DPY19L1: variants seen among roughly 807,000 people sequenced by gnomAD.
The protein encoded by DPY19L1 is protein C-mannosyl-transferase DPY19L1.
A neutral mutation model predicts 96.9 loss-of-function variants in DPY19L1; 35 were observed. That is an observed-to-expected ratio of 0.36 (90% CI 0.28 to 0.48). The LOEUF (loss-of-function observed/expected upper bound fraction) is 0.48. Among genes scored for constraint, DPY19L1 ranks in the 20% least tolerant of loss-of-function variants. The pLI, the probability that DPY19L1 is intolerant of heterozygous loss-of-function variation, is 0.99. For missense variants in DPY19L1, 521 were observed against 777.9 expected (o/e 0.67, Z 3.93); for synonymous variants, 205 against 252.6 (o/e 0.81, Z 1.79).
intron 20 of DPY19L1, 176 bp downstream of exon 20, chr7:34,939,100 C>A: frequency 1.1e-5 from 6 of 521,834 alleles, no homozygotes; most frequent in Non-Finnish European, 1.9e-5. Context: ...CCCTGTGAAG[C>A]TTTAACGGAT....
chr7:35,006,329 G>C (rs1785555644), intron 6 of DPY19L1, among the ~76,000 whole-genome samples: 1 of 152,160 alleles, frequency 6.6e-6, no homozygotes, highest in African/African-American at 2.4e-5. Flanking sequence ...AAAGTGCAAA[G>C]AATAAAAGTT....
At chr7:34,959,916 TATATATATTTATATATA>T (rs1784461637) in intron 10 of DPY19L1, among the ~76,000 whole-genome samples, 8 of 23,048 alleles carry the variant, frequency 3.5e-4, no homozygotes, top group African/African-American at 1.5e-3. Flanking sequence ...TATATATATA[TATATATATTTATATATA>T]TATATATATA....
intron 1 of DPY19L1, among the ~76,000 whole-genome samples, chr7:35,026,975 T>C (rs1002744406): frequency 1.3e-5 from 2 of 151,866 alleles, no homozygotes; most frequent in African/African-American, 2.4e-5. Flanking sequence ...GGCAGGTGGA[T>C]ACCTGAGGTC....
intron 17 of DPY19L1, 41 bp downstream of exon 17, chr7:34,942,574 A>G: frequency 6.6e-7 from 1 of 1,513,978 alleles, no homozygotes; most frequent in Non-Finnish European, 9.0e-7. Flanking sequence ...AATGCATGCA[A>G]CTTTAAGATA....
chr7:35,034,599 C>G (rs1439505085), intron 1 of DPY19L1, among the ~76,000 whole-genome samples: 1 of 152,178 alleles, frequency 6.6e-6, no homozygotes, highest in Non-Finnish European at 1.5e-5. Context: ...ATGCTTAACC[C>G]TGCCCAACAG....
rs551827653 is a variant in DPY19L1 at position 34,969,499 on chromosome 7, T to G, written c.948A>C (p.Ala316=). The G allele has an allele frequency of 5.7e-6, 9 of 1,572,794 alleles. No homozygotes were observed. Among genetic ancestry groups the G allele is most frequent in the Non-Finnish European group, 4.3e-6 (5 of 1,161,714 alleles). ...TGAAAAATACATTGGAAATGCAGAG[T>G]GCAATCAAGCTTCCTCTATAAAGTT... is the stretch of plus-strand genomic sequence containing the variant. ...ATKLYRGSLI[A]LCISNVFFML... Residue 316 remains alanine, a synonymous_variant, in exon 9 of 22, where the codon GCA becomes GCC. Coordinates refer to ENST00000638088, the MANE Select transcript of DPY19L1 (RefSeq NM_001366673.1).
chr7:35,034,970 A>G (rs1180027879), intron 1 of DPY19L1, among the ~76,000 whole-genome samples: 1 of 152,210 alleles, frequency 6.6e-6, no homozygotes, highest in Admixed American at 6.5e-5. Context: ...GCTTTCAAAA[A>G]TGTCTAAACT....
intron 1 of DPY19L1, among the ~76,000 whole-genome samples, chr7:35,029,749 G>A (rs1467180741): frequency 6.6e-6 from 1 of 152,164 alleles, no homozygotes; most frequent in Non-Finnish European, 1.5e-5. Context: ...TCCCCCAAAT[G>A]ACCAGAAGCC....
chr7:35,020,508 C>T (rs188369735), intron 1 of DPY19L1, among the ~76,000 whole-genome samples: 1 of 152,144 alleles, frequency 6.6e-6, no homozygotes, highest in African/African-American at 2.4e-5. Context: ...TTAACATATG[C>T]ATTTCTTATG....
At chr7:34,948,784 A>G (rs2128783995) in intron 14 of DPY19L1, among the ~76,000 whole-genome samples, 1 of 152,376 alleles carries the variant, frequency 6.6e-6, no homozygotes, top group South Asian at 2.1e-4. Context: ...GTTTAACACT[A>G]AAACTCATAT....
At chr7:35,037,973 T>C, upstream of DPY19L1, 1 of 1,149,280 alleles carries the variant, frequency 8.7e-7, no homozygotes, top group Non-Finnish European at 1.1e-6. Flanking sequence ...CTGTTAAGGC[T>C]GCGCTTGGAG....
chr7:35,028,511 G>A (rs1786182064), intron 1 of DPY19L1, among the ~76,000 whole-genome samples: 1 of 152,104 alleles, frequency 6.6e-6, no homozygotes, highest in Non-Finnish European at 1.5e-5. Flanking sequence ...GTGTTTTGAA[G>A]ACAATAAATT....
intron 7 of DPY19L1, among the ~76,000 whole-genome samples, chr7:34,983,919 T>C (rs775246737): frequency 3.0e-4 from 46 of 151,894 alleles, no homozygotes; most frequent in Non-Finnish European, 1.6e-4. Flanking sequence ...ATCAAACCAA[T>C]AAAAACCAAA....
chr7:34,968,747 C>T (rs1245147735), intron 9 of DPY19L1, among the ~76,000 whole-genome samples: 11 of 105,006 alleles, frequency 1.0e-4, no homozygotes, highest in South Asian at 6.8e-4. Flanking sequence ...CTAGCCTGGG[C>T]GACAGAGAAA....
intron 9 of DPY19L1, among the ~76,000 whole-genome samples, chr7:34,967,630 A>G (rs1784638888): frequency 6.6e-6 from 1 of 152,218 alleles, no homozygotes; most frequent in Admixed American, 6.5e-5. Context: ...ATGGTATAGT[A>G]TCTATTACAT....
At chr7:35,021,101 A>G (rs1430464381) in intron 1 of DPY19L1, among the ~76,000 whole-genome samples, 11 of 152,234 alleles carry the variant, frequency 7.2e-5, no homozygotes, top group Non-Finnish European at 1.3e-4. Context: ...TGACAAAAAC[A>G]ATAAACTTCT....
chr7:35,031,517 AAC>A (rs61082599), intron 1 of DPY19L1, among the ~76,000 whole-genome samples: 41,316 of 151,990 alleles, frequency 0.27, 5,727 homozygotes, highest in Non-Finnish European at 0.31. Flanking sequence ...TAATATACCT[AAC>A]ACACTCATTA....
chr7:34,974,197 G>C (rs765000017), intron 7 of DPY19L1, among the ~76,000 whole-genome samples: 1 of 152,062 alleles, frequency 6.6e-6, no homozygotes, highest in East Asian at 1.9e-4. Flanking sequence ...GCTCACTTTG[G>C]ACATAATTAA....
intron 15 of DPY19L1, among the ~76,000 whole-genome samples, chr7:34,946,674 C>CG (rs1468631284): frequency 6.6e-6 from 1 of 152,188 alleles, no homozygotes; most frequent in Admixed American, 6.5e-5. Context: ...AAAGTGCTGT[C>CG]GGAGTACACA....
Sources: gnomAD v4.1 joint callset for allele counts (sites outside exome capture counted in the v4.1 genomes callset) on GRCh38, gnomAD v4.1.1 for gene constraint, MANE v1.5 for transcripts, NCBI Gene and HGNC (gene_info 2026-07-23, HGNC 2026-07-21) for gene names.